The following OR7C1 variants were observed in gnomAD, a reference collection of about 807,000 sequenced individuals.
OR7C1 encodes the protein olfactory receptor family 7 subfamily C member 1.
For missense variants in OR7C1, 324 were observed against 383.3 expected (o/e 0.85, Z 1.29); for synonymous variants, 152 against 160.7 (o/e 0.95, Z 0.41).
chr19:14,816,282 G>T (rs113770622), intron 1 of OR7C1, among the ~76,000 whole-genome samples: 2,635 of 152,232 alleles, frequency 0.017, 67 homozygotes, highest in African/African-American at 0.059. Flanking sequence ...TAAACTGAAG[G>T]ATGCAAAGTA....
At chr19:14,799,123 A>C (rs1188516267) in exon 5 of OR7C1, 2 of 1,536,354 alleles carry the variant, frequency 1.3e-6, no homozygotes, top group South Asian at 2.6e-5. Flanking sequence ...TGATGTTTGG[A>C]TACATTCAAG....
chr19:14,826,491 A>T (rs1421949002), intron 1 of OR7C1: 1 of 152,164 alleles, frequency 6.6e-6, no homozygotes, highest in African/African-American at 2.4e-5. Flanking sequence ...CACCAAATCC[A>T]TCACTCCAAT....
chr19:14,817,201 T>G (rs1017737085), intron 1 of OR7C1, among the ~76,000 whole-genome samples: 4 of 152,196 alleles, frequency 2.6e-5, no homozygotes, highest in African/African-American at 9.7e-5. Context: ...TTCAGCCCAT[T>G]CCAGGTGGGA....
At chr19:14,823,062 T>C (rs2044748747) in intron 1 of OR7C1, among the ~76,000 whole-genome samples, 1 of 152,194 alleles carries the variant, frequency 6.6e-6, no homozygotes, top group African/African-American at 2.4e-5. Flanking sequence ...TTTTGAGGGG[T>C]ATATTTTAAA....
intron 2 of OR7C1, among the ~76,000 whole-genome samples, chr19:14,804,494 G>T (rs1410806448): frequency 6.7e-6 from 1 of 150,082 alleles, no homozygotes; most frequent in African/African-American, 2.5e-5. Context: ...ATATTTAGTT[G>T]TAATGAAATA....
intron 1 of OR7C1, among the ~76,000 whole-genome samples, chr19:14,829,423 G>A (rs1340089276): frequency 6.6e-6 from 1 of 152,158 alleles, no homozygotes; most frequent in Non-Finnish European, 1.5e-5. Context: ...GGCTGGTCTT[G>A]AACTCCCAAC....
At chr19:14,818,087 T>TTTATTTATTTAC (rs2044724550) in intron 1 of OR7C1, among the ~76,000 whole-genome samples, 1 of 150,248 alleles carries the variant, frequency 6.7e-6, no homozygotes, top group Non-Finnish European at 1.5e-5. Context: ...TATTTATTTA[T>TTTATTTATTTAC]TTATTTATTT....
intron 2 of OR7C1, among the ~76,000 whole-genome samples, chr19:14,801,440 G>C (rs1049801272): frequency 2.6e-5 from 4 of 152,146 alleles, no homozygotes; most frequent in Non-Finnish European, 4.4e-5. Context: ...TGGAAAGCCA[G>C]TCAGACATTA....
At chr19:14,812,889 C>T (rs1405652738) in intron 1 of OR7C1, among the ~76,000 whole-genome samples, 1 of 151,584 alleles carries the variant, frequency 6.6e-6, no homozygotes. Context: ...CATGGTGAAA[C>T]CCCATCTCTA....
chr19:14,818,567 C>A (rs2044727328), intron 1 of OR7C1, among the ~76,000 whole-genome samples: 1 of 152,156 alleles, frequency 6.6e-6, no homozygotes, highest in African/African-American at 2.4e-5. Flanking sequence ...GTTTCTATTG[C>A]AAACAGTCTT....
chr19:14,824,358 C>G (rs1370804428), intron 1 of OR7C1: 1 of 152,172 alleles, frequency 6.6e-6, no homozygotes, highest in Non-Finnish European at 1.5e-5. Context: ...GGTAGTTTTT[C>G]AGCCCTTTTC....
intron 1 of OR7C1, chr19:14,827,936 A>G: frequency 1.2e-6 from 2 of 1,614,214 alleles, no homozygotes; most frequent in Non-Finnish European, 1.7e-6. Context: ...GTATGAAAAA[A>G]TACATCTGCA....
intron 1 of OR7C1, among the ~76,000 whole-genome samples, chr19:14,823,978 A>G (rs1160109835): frequency 1.3e-5 from 2 of 149,846 alleles, no homozygotes; most frequent in Admixed American, 6.7e-5. Context: ...TGGGCTCTGT[A>G]TTCTTTTCCA....
chr19:14,823,313 G>C (rs981729714), intron 1 of OR7C1, among the ~76,000 whole-genome samples: 2 of 152,086 alleles, frequency 1.3e-5, no homozygotes, highest in African/African-American at 4.8e-5. Flanking sequence ...TTAGGTGGGC[G>C]TGGTGGCATG....
chr19:14,818,164 C>T (rs990354259), intron 1 of OR7C1, among the ~76,000 whole-genome samples: 3 of 151,842 alleles, frequency 2.0e-5, no homozygotes, highest in African/African-American at 7.3e-5. Flanking sequence ...ACGATCTCGG[C>T]TCACTGCAAG....
intron 2 of OR7C1, among the ~76,000 whole-genome samples, chr19:14,808,492 A>G (rs992454788): frequency 6.6e-6 from 1 of 152,012 alleles, no homozygotes; most frequent in Non-Finnish European, 1.5e-5. Flanking sequence ...ACTGGAGGCC[A>G]TTATCCTAAG....
chr19:14,822,948 T>C (rs1159970556), intron 1 of OR7C1, among the ~76,000 whole-genome samples: 3 of 152,140 alleles, frequency 2.0e-5, no homozygotes, highest in Non-Finnish European at 2.9e-5. Context: ...AAATGTTTTC[T>C]CTCCTTCCAT....
chr19:14,834,397 A>T (rs1438108129), intron 1 of OR7C1, among the ~76,000 whole-genome samples: 21 of 152,354 alleles, frequency 1.4e-4, no homozygotes, highest in Non-Finnish European at 1.5e-5. Flanking sequence ...ACTCTCTTTG[A>T]TAAAGTCTAT....
intron 2 of OR7C1, among the ~76,000 whole-genome samples, chr19:14,803,580 A>C (rs577140863): frequency 2.6e-5 from 4 of 152,086 alleles, no homozygotes; most frequent in African/African-American, 9.6e-5. Flanking sequence ...TTGATTATCT[A>C]TATCTGCAGC....
Sources: allele counts gnomAD v4.1 joint callset (sites outside exome capture counted in the v4.1 genomes callset), GRCh38; gene constraint gnomAD v4.1.1; transcripts MANE v1.5; gene names NCBI Gene and HGNC (gene_info 2026-07-23, HGNC 2026-07-21).